TECPR2: variants seen among roughly 807,000 people sequenced by gnomAD.
TECPR2 encodes tectonin beta-propeller repeat-containing protein 2.
TECPR2 carries 65 observed loss-of-function variants against 138.1 expected under a neutral mutation model. The ratio of observed to expected loss-of-function variants is 0.47; its 90% CI spans 0.39 to 0.58. TECPR2 has a LOEUF of 0.58. Ranked by LOEUF, TECPR2 falls within the 20% of genes least tolerant of loss-of-function variation. TECPR2 has a pLI of 0.00. For synonymous variants in TECPR2, 746 were observed against 749.8 expected, an observed-to-expected ratio of 0.99 and a Z score of 0.08; for missense variants, 1,553 against 1,824.5, an observed-to-expected ratio of 0.85 and a Z score of 2.71.
Position 102,428,220 on chromosome 14 carries a change from T to G in TECPR2, c.952-30T>G, listed in dbSNP as rs572115837. ...TTACCGTTGTTTAGTTTTGTGTTTT[T>G]TGTTTTTTTTTTTTTTTTTTTTTTG... On this transcript the variant is annotated intron_variant, in intron 6 of 19. Coordinates refer to ENST00000359520, the MANE Select transcript of TECPR2 (RefSeq NM_014844.5). 164 of 1,444,564 alleles carry G rather than the reference T, an allele frequency of 1.1e-4. No individual in the cohort carries two copies. The African/African-American group carries it at 1.2e-3, about 11-fold the overall frequency. 89.5% of individuals were successfully genotyped at this position (1,444,564 alleles called of 1,614,324 possible). A position where few individuals can be genotyped will look rare whatever the true frequency, so the allele number is the denominator to read the frequency against.
intron 17 of TECPR2, among the ~76,000 whole-genome samples, chr14:102,480,319 G>A (rs1443656022): frequency 6.6e-6 from 1 of 152,016 alleles, no homozygotes; most frequent in South Asian, 2.1e-4. Flanking sequence ...CCACCTCCCG[G>A]GTTCACGCCA....
intron 2 of TECPR2, among the ~76,000 whole-genome samples, chr14:102,385,699 C>T (rs562211882): frequency 1.3e-5 from 2 of 152,160 alleles, no homozygotes; most frequent in Non-Finnish European, 2.9e-5. Context: ...TTTGGGAGGC[C>T]GAGGCGGACA....
rs1891447461 is a variant in TECPR2, at chr14:102,501,954, C to T, written c.*3697C>T. On this transcript the variant is annotated 3_prime_UTR_variant, in exon 20 of 20. Coordinates refer to ENST00000359520, the MANE Select transcript of TECPR2 (RefSeq NM_014844.5). ...TGGGGAAGCCGGTCCGTACGTAGGC[C>T]TTGCATCTCGCCACCTCCACTTCTG... 1 of 152,250 alleles carries T rather than the reference C, an allele frequency of 6.6e-6. No homozygotes were observed. Among genetic ancestry groups the T allele is most frequent in the Non-Finnish European group, 1.5e-5 (1 of 68,046 alleles). The allele number at this position is 152,250 out of a possible 1,614,324, so 9.4% of individuals were successfully genotyped here. A position where few individuals can be genotyped will look rare whatever the true frequency, so the allele number is the denominator to read the frequency against.
chr14:102,375,417 G>C (rs192953207), intron 1 of TECPR2, among the ~76,000 whole-genome samples: 51 of 152,214 alleles, frequency 3.4e-4, no homozygotes, highest in African/African-American at 1.1e-3. Context: ...AACTCAGTAG[G>C]GGGAGGAGAA....
chr14:102,425,776 A>G (rs957971691), intron 6 of TECPR2, among the ~76,000 whole-genome samples: 1 of 149,972 alleles, frequency 6.7e-6, no homozygotes, highest in Non-Finnish European at 1.5e-5. Context: ...GGGTTTCACA[A>G]TGTTGGTCAG....
chr14:102,486,826 A>T (rs1262044388), intron 17 of TECPR2, among the ~76,000 whole-genome samples: 2 of 152,258 alleles, frequency 1.3e-5, no homozygotes, highest in African/African-American at 4.8e-5. Context: ...ATTTAATTCT[A>T]GACCTATTAA....
At chr14:102,446,136 G>A (rs1365592745) in intron 13 of TECPR2, among the ~76,000 whole-genome samples, 189 bp downstream of exon 13, 1 of 152,092 alleles carries the variant, frequency 6.6e-6, no homozygotes, top group South Asian at 2.1e-4. Context: ...GTGCAGTCAC[G>A]GCTCACTGCA....
At chr14:102,487,850 T>G (rs550697157) in intron 17 of TECPR2, among the ~76,000 whole-genome samples, 113 of 144,122 alleles carry the variant, frequency 7.8e-4, no homozygotes, top group Non-Finnish European at 1.0e-3. Flanking sequence ...CTGTTTGTTT[T>G]TTTTTTTTGA....
At chr14:102,377,502 C>G (rs536229737) in intron 2 of TECPR2, among the ~76,000 whole-genome samples, 1 of 152,054 alleles carries the variant, frequency 6.6e-6, no homozygotes, top group Non-Finnish European at 1.5e-5. Context: ...GTCAGGAGTT[C>G]GAGACCAGCC....
intron 4 of TECPR2, among the ~76,000 whole-genome samples, chr14:102,412,757 C>T (rs1888918011): frequency 6.6e-6 from 1 of 152,132 alleles, no homozygotes; most frequent in Admixed American, 6.6e-5. Context: ...TTGAGAGAAC[C>T]ACTGAGTGTA....
rs1889134234 is a variant in TECPR2 at position 102,419,917 on chromosome 14, A to G, written c.639-5062A>G. Among the ~76,000 whole-genome samples the G allele has an allele frequency of 6.6e-6, 1 of 152,106 alleles. No individual in the cohort carries two copies. The highest frequency in any genetic ancestry group is 6.5e-5 in the Admixed American group (1 of 15,276). On this transcript the variant is annotated intron_variant, in intron 5 of 19. Coordinates refer to ENST00000359520, the MANE Select transcript of TECPR2 (RefSeq NM_014844.5). The surrounding 1 kb of genome is among the most constrained non-coding windows in gnomAD (Gnocchi z 4.8). ...AGCAATCTGTAGGTGTGGCGCCCGCATGTGGGTAAGAGCCAGCAGCCGGTT... is the reference window on the plus strand; with the variant it reads ...AGCAATCTGTAGGTGTGGCGCCCGCGTGTGGGTAAGAGCCAGCAGCCGGTT...
intron 2 of TECPR2, among the ~76,000 whole-genome samples, chr14:102,387,774 C>T (rs1260588294): frequency 6.6e-6 from 1 of 152,196 alleles, no homozygotes; most frequent in Admixed American, 6.5e-5. Flanking sequence ...GATCCACTCG[C>T]CTCAGCCTCC....
At chr14:102,401,597 A>G (rs12436117) in intron 2 of TECPR2, among the ~76,000 whole-genome samples, 58,121 of 151,444 alleles carry the variant, frequency 0.38, 11,374 homozygotes, top group Middle Eastern at 0.5. Context: ...GGTTAATATG[A>G]TGGAACCCTG....
Position 102,493,111 on chromosome 14 carries a change from T to G in TECPR2, c.3790-3868T>G, listed in dbSNP as rs568831786. 1.7e-3 allele frequency among the ~76,000 whole-genome samples: 253 copies of G among 152,354 alleles called. 2 individuals are homozygous for G. Among genetic ancestry groups the G allele is most frequent in the Non-Finnish European group, 2.8e-3 (193 of 68,026 alleles). ...TTGGTCCTTGCTGTTCTTGCCCTTC[T>G]GCTGAAGCACAGTCATCTCCTCCTC... is the stretch of plus-strand genomic sequence containing the variant. On this transcript the variant is annotated intron_variant, in intron 17 of 19. Coordinates refer to ENST00000359520, the MANE Select transcript of TECPR2 (RefSeq NM_014844.5).
intron 2 of TECPR2, among the ~76,000 whole-genome samples, chr14:102,380,188 AC>A (rs1567316068): frequency 7.3e-6 from 1 of 137,270 alleles, no homozygotes; most frequent in African/African-American, 2.8e-5. Context: ...GCACAGAGGC[AC>A]CCTAGTCACA....
intron 2 of TECPR2, among the ~76,000 whole-genome samples, chr14:102,395,914 C>G (rs1363527849): frequency 6.6e-6 from 1 of 152,132 alleles, no homozygotes; most frequent in Admixed American, 6.5e-5. Context: ...TTAGACGCAT[C>G]ATCTTATAAC....
chr14:102,470,417 C>T (rs1408617249), intron 17 of TECPR2, among the ~76,000 whole-genome samples: 1 of 151,786 alleles, frequency 6.6e-6, no homozygotes, highest in Non-Finnish European at 1.5e-5. Context: ...TTGCAATTCT[C>T]CTGCCTTGGC....
intron 17 of TECPR2, among the ~76,000 whole-genome samples, chr14:102,467,577 C>T (rs1362326874): frequency 1.3e-5 from 2 of 151,996 alleles, no homozygotes; most frequent in African/African-American, 2.4e-5. Context: ...CACCCTCCCC[C>T]GGCCTCCCAA....
intron 1 of TECPR2, among the ~76,000 whole-genome samples, chr14:102,370,761 G>A (rs933576735): frequency 2.0e-5 from 3 of 152,162 alleles, no homozygotes; most frequent in Non-Finnish European, 2.9e-5. Context: ...AGGGAGAGGC[G>A]GGCAGATGAG....
Sources: gnomAD v4.1 joint callset for allele counts (sites outside exome capture counted in the v4.1 genomes callset) on GRCh38, gnomAD v4.1.1 for gene constraint, Gnocchi (gnomAD v3.1) non-coding constraint, MANE v1.5 for transcripts, NCBI Gene and HGNC (gene_info 2026-07-23, HGNC 2026-07-21) for gene names.